Variants in C11orf65 observed in about 807,000 individuals in gnomAD.
The protein encoded by C11orf65 is protein MFI.
A neutral mutation model predicts 35.3 loss-of-function variants in C11orf65; 38 were observed. The observed-to-expected ratio is 1.08, with a 90% CI of 0.83 to 1.41. The LOEUF (loss-of-function observed/expected upper bound fraction) is 1.41, where lower values mean the gene tolerates loss of function less well. Ranked by LOEUF, C11orf65 falls within the 40% of genes most tolerant of loss-of-function variation. C11orf65 has a pLI of 0.00. For synonymous variants in C11orf65, 105 were observed against 114.4 expected, an observed-to-expected ratio of 0.92 and a Z score of 0.53; for missense variants, 370 against 367.1, an observed-to-expected ratio of 1.01 and a Z score of -0.06.
chr11:108,380,179 C>T (rs534190400), downstream of C11orf65, among the ~76,000 whole-genome samples: 40 of 152,296 alleles, frequency 2.6e-4, no homozygotes, highest in African/African-American at 9.1e-4. Context: ...AATGAGTTGG[C>T]TCAAGCTAAA....
intron 2 of C11orf65, among the ~76,000 whole-genome samples, chr11:108,337,063 A>C (rs1352203673): frequency 6.6e-6 from 1 of 152,186 alleles, no homozygotes; most frequent in African/African-American, 2.4e-5. Flanking sequence ...TAATGGCTAA[A>C]TTAAAAGCCC....
At chr11:108,407,337 G>T (rs1457450750) in intron 3 of C11orf65, among the ~76,000 whole-genome samples, 188 bp from the exon 4 acceptor site, 1 of 151,822 alleles carries the variant, frequency 6.6e-6, no homozygotes, top group African/African-American at 2.4e-5. Context: ...TTTGAGATGG[G>T]ATTTCACTCT....
At chr11:108,357,202 G>T (rs982045975) in intron 2 of C11orf65, among the ~76,000 whole-genome samples, 1 of 152,188 alleles carries the variant, frequency 6.6e-6, no homozygotes, top group Admixed American at 6.5e-5. Flanking sequence ...CTGGAAAATC[G>T]GGTCACTCCC....
intron 3 of C11orf65, among the ~76,000 whole-genome samples, chr11:108,417,157 C>T (rs561405511): frequency 6.6e-6 from 1 of 152,100 alleles, no homozygotes; most frequent in Non-Finnish European, 1.5e-5. Context: ...GATTTAAATC[C>T]CCAAACATCA....
intron 8 of C11orf65, among the ~76,000 whole-genome samples, chr11:108,385,024 A>G (rs921890209): frequency 1.3e-5 from 2 of 152,182 alleles, no homozygotes; most frequent in Admixed American, 6.5e-5. Context: ...ACTATTTTCA[A>G]CATTTTGAGG....
intron 2 of C11orf65, among the ~76,000 whole-genome samples, chr11:108,374,303 G>A (rs1003277734): frequency 3.9e-5 from 6 of 152,192 alleles, no homozygotes; most frequent in Admixed American, 2.0e-4. Context: ...CCAGAGGAAC[G>A]ATCAGACAGC....
rs1454055855 is a variant in C11orf65 at position 108,308,851 on chromosome 11, C to T, written c.*120G>A. ...GTGTCTTTGCTTCTGGTTATTTTAC[C>T]TTAGAGTTTTATACCAGATTATCTT... On this transcript the variant is annotated 3_prime_UTR_variant, in exon 7 of 7. Coordinates refer to the C11orf65 transcript ENST00000525729. 4.7e-5 allele frequency: 28 copies of T among 592,970 alleles called. No homozygotes were observed. In the South Asian group the frequency reaches 4.9e-4, roughly 10 times the overall value. The allele number at this position is 592,970 out of a possible 1,614,324, so 36.7% of individuals were successfully genotyped here.
intron 7 of C11orf65, among the ~76,000 whole-genome samples, chr11:108,386,397 C>T (rs946708188): frequency 2.6e-5 from 4 of 152,220 alleles, no homozygotes; most frequent in African/African-American, 9.6e-5. Context: ...GATTCACTGT[C>T]TCTGATACGT....
chr11:108,415,481 T>C (rs1366286157), intron 3 of C11orf65, among the ~76,000 whole-genome samples: 1 of 152,138 alleles, frequency 6.6e-6, no homozygotes, highest in Non-Finnish European at 1.5e-5. Flanking sequence ...GGAGAGATAT[T>C]CCATACACCC....
chr11:108,323,092 T>C (rs1404886980), intron 6 of C11orf65, among the ~76,000 whole-genome samples: 1 of 152,198 alleles, frequency 6.6e-6, no homozygotes, highest in African/African-American at 2.4e-5. Context: ...AAGGTCACTC[T>C]ACCTTTATGC....
intron 6 of C11orf65, among the ~76,000 whole-genome samples, chr11:108,402,213 G>A (rs1212609842): frequency 6.6e-6 from 1 of 152,234 alleles, no homozygotes; most frequent in African/African-American, 2.4e-5. Context: ...TGCCAGTGCA[G>A]TCACTGAAAG....
intron 7 of C11orf65, among the ~76,000 whole-genome samples, chr11:108,392,787 C>T (rs1260354588): frequency 6.6e-6 from 1 of 152,188 alleles, no homozygotes; most frequent in Non-Finnish European, 1.5e-5. Context: ...ATTTCCCCCA[C>T]ACAAGAAATC....
intron 2 of C11orf65, among the ~76,000 whole-genome samples, chr11:108,459,832 G>A (rs750762414): frequency 3.3e-5 from 5 of 151,684 alleles, no homozygotes; most frequent in Non-Finnish European, 7.4e-5. Context: ...ATTCTGAAAT[G>A]CCTAGCACAA....
At position 108,464,565 on chromosome 11, in the gene C11orf65, T is replaced by C. The variant is rs576572582; in HGVS notation, c.-10+2906A>G. On this transcript the variant is annotated intron_variant, in intron 1 of 8. Transcript: ENST00000393084. Reference sequence around the variant, plus strand: ...TAAGTAGAGATGGGGTTTCACCATGTTGGTCAGAATGGTCTCCATCTCTTG... The same window carrying C: ...TAAGTAGAGATGGGGTTTCACCATGCTGGTCAGAATGGTCTCCATCTCTTG... 3.9e-5 allele frequency among the ~76,000 whole-genome samples: 6 copies of C among 152,266 alleles called. No individual in the cohort carries two copies. In the South Asian group the frequency reaches 1.2e-3, roughly 32 times the overall value.
At chr11:108,343,475 C>T (rs983121102) in intron 2 of C11orf65, 11 of 1,370,506 alleles carry the variant, frequency 8.0e-6, no homozygotes, top group Non-Finnish European at 1.0e-5. Flanking sequence ...TTAATTTCAT[C>T]AGGTAATTGT....
intron 8 of C11orf65, among the ~76,000 whole-genome samples, chr11:108,385,094 T>C (rs570992721): frequency 5.9e-5 from 9 of 151,828 alleles, no homozygotes; most frequent in African/African-American, 2.2e-4. Context: ...TATAAGTAAC[T>C]TTTTTTCTTC....
At chr11:108,440,558 G>C (rs1211734520) in intron 2 of C11orf65, among the ~76,000 whole-genome samples, 4 of 152,116 alleles carry the variant, frequency 2.6e-5, no homozygotes, top group Admixed American at 1.3e-4. Flanking sequence ...GCTTAAGTGG[G>C]CTGTAATATC....
chr11:108,346,551 C>T (rs1334324337), intron 2 of C11orf65: 1 of 151,568 alleles, frequency 6.6e-6, no homozygotes, highest in East Asian at 1.9e-4. Flanking sequence ...ACATACTATA[C>T]CCCAGGAAGG....
chr11:108,442,308 A>C (rs1055852705), intron 2 of C11orf65, among the ~76,000 whole-genome samples: 1 of 152,232 alleles, frequency 6.6e-6, no homozygotes, highest in African/African-American at 2.4e-5. Flanking sequence ...AAAGCCTCTA[A>C]GAAATGTGGG....
Sources: gnomAD v4.1 joint callset for allele counts (sites outside exome capture counted in the v4.1 genomes callset) on GRCh38, gnomAD v4.1.1 for gene constraint, MANE v1.5 for transcripts, NCBI Gene and HGNC (gene_info 2026-07-23, HGNC 2026-07-21) for gene names.